The following ARSK variants were observed in gnomAD, a reference collection of about 807,000 sequenced individuals.
ARSK encodes arylsulfatase family member K.
ARSK carries 37 observed loss-of-function variants against 53.2 expected under a neutral mutation model. The observed-to-expected ratio is 0.70, with a 90% CI of 0.54 to 0.92. ARSK has a LOEUF of 0.92. Among genes scored for constraint, ARSK ranks in the 40% least tolerant of loss-of-function variants. The pLI is 0.00. For synonymous variants in ARSK, 208 were observed against 223.2 expected (o/e 0.93, Z 0.61); for missense variants, 613 against 643.0 (o/e 0.95, Z 0.51).
chr5:95,600,832 A>T lies in ARSK; in HGVS notation c.1097-15A>T, dbSNP rs916349304. 1 of 1,600,278 alleles carries T rather than the reference A, an allele frequency of 6.2e-7. No individual in the cohort carries two copies. The highest frequency in any genetic ancestry group is 8.6e-7 in the Non-Finnish European group (1 of 1,167,872). On this transcript the variant is annotated splice_polypyrimidine_tract_variant and intron_variant, in intron 6 of 7. Coordinates refer to ENST00000380009, the MANE Select transcript of ARSK (RefSeq NM_198150.3). ...ATGAGCTATTTTAAGATATTTGGTT[A>T]TTTTTGTTACATAGATATTGCTGGA...
intron 1 of ARSK, among the ~76,000 whole-genome samples, chr5:95,561,983 G>A (rs1027869630): frequency 1.3e-5 from 2 of 152,262 alleles, no homozygotes; most frequent in Middle Eastern, 3.4e-3. Flanking sequence ...GGGAAGCCAC[G>A]GCGAGCAGAT....
chr5:95,580,267 A>G (rs1283583347), intron 3 of ARSK, among the ~76,000 whole-genome samples: 2 of 152,134 alleles, frequency 1.3e-5, no homozygotes, highest in African/African-American at 4.8e-5. Context: ...GGTTCAAAAT[A>G]CCCCCAGTGG....
rs140272875 is a variant in ARSK, at chr5:95,591,570, C to T, written c.1041C>T (p.Ala347=). Residue 347 remains alanine, a synonymous_variant, in exon 6 of 8, where the codon GCC becomes GCT. Transcript: ENST00000380009. ...PLLMMGPGIK[A]GLQVSNVVSL... ...TGATGATGGGACCAGGAATTAAAGC[C>T]GGCCTACAAGTATCAAATGTGGTTT... The T allele has an allele frequency of 1.3e-4, 213 of 1,614,110 alleles. No homozygotes were observed. Among genetic ancestry groups the T allele is most frequent in the African/African-American group, 1.1e-3 (86 of 75,014 alleles).
At chr5:95,598,437 T>C (rs1470474462) in intron 6 of ARSK, among the ~76,000 whole-genome samples, 1 of 152,174 alleles carries the variant, frequency 6.6e-6, no homozygotes, top group Non-Finnish European at 1.5e-5. Flanking sequence ...ACTTGAAGTA[T>C]TTATTAAATA....
intron 3 of ARSK, among the ~76,000 whole-genome samples, chr5:95,572,179 C>A (rs1020285767): frequency 6.6e-6 from 1 of 152,132 alleles, no homozygotes; most frequent in Non-Finnish European, 1.5e-5. Flanking sequence ...ATACTAGGAT[C>A]GCTATGGGCT....
Position 95,581,709 on chromosome 5 carries a change from A to G in ARSK, c.417-1207A>G, listed in dbSNP as rs543077284. On this transcript the variant is annotated intron_variant, in intron 3 of 7. Transcript: ENST00000380009. Reference sequence around the variant, plus strand: ...CCCGTAAAATTCCACCTCTGCAACAATACTAATAGTCACATATAGTAAGAG... The same window carrying G: ...CCCGTAAAATTCCACCTCTGCAACAGTACTAATAGTCACATATAGTAAGAG... 2.2e-4 allele frequency among the ~76,000 whole-genome samples: 34 copies of G among 152,266 alleles called. 1 individual carries two copies. In the South Asian group the frequency reaches 7.0e-3, roughly 32 times the overall value.
At chr5:95,573,568 G>A (rs1748870606) in intron 3 of ARSK, among the ~76,000 whole-genome samples, 1 of 152,170 alleles carries the variant, frequency 6.6e-6, no homozygotes, top group African/African-American at 2.4e-5. Context: ...AATGCTATCA[G>A]AAGAGAAATT....
Position 95,560,444 on chromosome 5 carries a change from T to C in ARSK, c.126+5040T>C, listed in dbSNP as rs149516104. Among the ~76,000 whole-genome samples, 240 of 152,282 alleles carry C rather than the reference T, an allele frequency of 1.6e-3. 3 individuals carry two copies. Among genetic ancestry groups the C allele is most frequent in the African/African-American group, 5.6e-3 (234 of 41,564 alleles). ...ATACACCTCCCAATTTTAAAGCTTA[T>C]ATCTTAACTACACCAATCAATGTAG... is the stretch of plus-strand genomic sequence containing the variant. On this transcript the variant is annotated intron_variant, in intron 1 of 7. Transcript: ENST00000380009.
intron 5 of ARSK, among the ~76,000 whole-genome samples, chr5:95,591,020 C>G (rs1407933758): frequency 6.6e-6 from 1 of 152,120 alleles, no homozygotes. Flanking sequence ...AGAGGTGATA[C>G]CAATCTTTTT....
intron 5 of ARSK, among the ~76,000 whole-genome samples, chr5:95,590,372 G>A (rs148267853): frequency 5.3e-5 from 8 of 152,304 alleles, no homozygotes; most frequent in African/African-American, 1.9e-4. Flanking sequence ...TGAGTGTGGA[G>A]AGTGGACAGG....
chr5:95,566,614 C>A (rs1333974021), intron 2 of ARSK, among the ~76,000 whole-genome samples: 1 of 152,132 alleles, frequency 6.6e-6, no homozygotes, highest in African/African-American at 2.4e-5. Context: ...TCACTTTTAT[C>A]CCAAGTCAAA....
intron 5 of ARSK, among the ~76,000 whole-genome samples, chr5:95,588,389 A>G (rs1482134749): frequency 1.3e-5 from 2 of 151,800 alleles, no homozygotes; most frequent in Non-Finnish European, 2.9e-5. Context: ...GGCACGCGCC[A>G]CCACGCCCAG....
intron 1 of ARSK, chr5:95,556,198 T>C (rs185650670): frequency 2.8e-6 from 2 of 702,368 alleles, no homozygotes; most frequent in East Asian, 5.4e-5. Flanking sequence ...TTGTATTTCC[T>C]TTCTCGTAGA....
intron 5 of ARSK, among the ~76,000 whole-genome samples, chr5:95,590,245 A>G (rs1354885905): frequency 6.6e-6 from 1 of 152,156 alleles, no homozygotes; most frequent in African/African-American, 2.4e-5. Flanking sequence ...CATTCACCAT[A>G]AATGGCAGAG....
At chr5:95,566,454 G>A (rs987824435) in intron 2 of ARSK, among the ~76,000 whole-genome samples, 2 of 152,118 alleles carry the variant, frequency 1.3e-5, no homozygotes, top group Admixed American at 6.5e-5. Context: ...TGTTTCCAGG[G>A]AAATTTTTCA....
intron 1 of ARSK, among the ~76,000 whole-genome samples, chr5:95,564,725 G>A (rs564478111): frequency 6.6e-6 from 1 of 152,236 alleles, no homozygotes; most frequent in South Asian, 2.1e-4. Flanking sequence ...TTGGCACACT[G>A]CCTTCTCTCA....
chr5:95,572,438 G>A (rs1748848371), intron 3 of ARSK, among the ~76,000 whole-genome samples: 1 of 152,194 alleles, frequency 6.6e-6, no homozygotes, highest in East Asian at 1.9e-4. Flanking sequence ...TATGTATTGT[G>A]TTATAACAGG....
chr5:95,565,883 G>T, intron 1 of ARSK, 115 bp from the exon 2 acceptor site: 1 of 996,238 alleles, frequency 1.0e-6, no homozygotes, highest in Non-Finnish European at 1.4e-6. Flanking sequence ...TTTTATCTTT[G>T]GAGGATTCTT....
intron 1 of ARSK, among the ~76,000 whole-genome samples, chr5:95,560,971 A>AT (rs1748622656): frequency 6.6e-6 from 1 of 151,850 alleles, no homozygotes; most frequent in South Asian, 2.1e-4. Context: ...CACCCAGATA[A>AT]TTTTTTAATT....
Sources: gnomAD v4.1 joint callset for allele counts (sites outside exome capture counted in the v4.1 genomes callset) on GRCh38, gnomAD v4.1.1 for gene constraint, MANE v1.5 for transcripts, NCBI Gene and HGNC (gene_info 2026-07-23, HGNC 2026-07-21) for gene names.